The following ABLIM3 variants were observed in gnomAD, a reference collection of about 807,000 sequenced individuals.
ABLIM3 encodes the protein actin binding LIM protein family member 3.
In ABLIM3, 61 loss-of-function variants were observed where a neutral mutation model predicts 109.5. That is an observed-to-expected ratio of 0.56 (90% CI 0.45 to 0.69). ABLIM3 has a LOEUF of 0.69. ABLIM3 is among the 30% of genes least tolerant of loss of function. The pLI, the probability that ABLIM3 is intolerant of heterozygous loss-of-function variation, is 0.00. For missense variants in ABLIM3, 796 were observed against 889.5 expected (o/e 0.89, Z 1.34); for synonymous variants, 300 against 324.8 (o/e 0.92, Z 0.82).
At chr5:149,215,330 G>T (rs946051902) in intron 7 of ABLIM3, among the ~76,000 whole-genome samples, 3 of 152,098 alleles carry the variant, frequency 2.0e-5, no homozygotes, top group African/African-American at 7.2e-5. Flanking sequence ...GAACATATTC[G>T]CTTTGATGAT....
At chr5:149,240,887 A>T (rs2127559863) in intron 14 of ABLIM3, 113 bp downstream of exon 14, 1 of 941,758 alleles carries the variant, frequency 1.1e-6, no homozygotes, top group East Asian at 2.6e-5. Flanking sequence ...TTCCTGAGGG[A>T]CCTCCCTAAC....
At chr5:149,193,415 TA>T (rs1170856513) in intron 3 of ABLIM3, among the ~76,000 whole-genome samples, 1 of 151,978 alleles carries the variant, frequency 6.6e-6, no homozygotes, top group Non-Finnish European at 1.5e-5. Context: ...TTGTATAAGA[TA>T]AAAATTATAA....
chr5:149,233,623 C>G (rs935625834), intron 10 of ABLIM3, among the ~76,000 whole-genome samples: 1 of 152,178 alleles, frequency 6.6e-6, no homozygotes. Flanking sequence ...TCATTTCCCA[C>G]TACTTAACTG....
intron 6 of ABLIM3, among the ~76,000 whole-genome samples, chr5:149,208,654 G>A (rs1759253807): frequency 6.6e-6 from 1 of 152,106 alleles, no homozygotes; most frequent in African/African-American, 2.4e-5. Flanking sequence ...CCAATCACTG[G>A]CCCAGAGGAT....
intron 2 of ABLIM3, among the ~76,000 whole-genome samples, chr5:149,142,425 A>C (rs779538248): frequency 6.6e-6 from 1 of 152,132 alleles, no homozygotes; most frequent in African/African-American, 2.4e-5. Flanking sequence ...GGGGGCTCTG[A>C]GGAGAACTCC....
chr5:149,208,377 TCTCTCTCTC>T (rs1759211730), intron 6 of ABLIM3, among the ~76,000 whole-genome samples: 1 of 135,406 alleles, frequency 7.4e-6, no homozygotes, highest in Non-Finnish European at 1.7e-5. Flanking sequence ...TCTCTCTCTC[TCTCTCTCTC>T]AATTTCTCTT....
intron 3 of ABLIM3, among the ~76,000 whole-genome samples, chr5:149,186,588 T>G (rs1051718780): frequency 6.6e-6 from 1 of 152,290 alleles, no homozygotes; most frequent in East Asian, 1.9e-4. Context: ...GGTCTCCCAC[T>G]TGGCAAATGG....
chr5:149,198,855 C>T lies in ABLIM3; in HGVS notation c.335+453C>T, dbSNP rs1161693796. ...TGTTGGAGTGACCCTGGCAAGTGAC[C>T]CCCACCTCTGTAAGCCTCAGTTTCT... is the stretch of plus-strand genomic sequence containing the variant. On this transcript the variant is annotated intron_variant, in intron 4 of 23. Coordinates refer to ENST00000309868, the MANE Select transcript of ABLIM3 (RefSeq NM_014945.5). This position sits in a 1 kb window ranked among gnomAD's most constrained non-coding sequence, Gnocchi z 4.2. Among the ~76,000 whole-genome samples the T allele has an allele frequency of 6.6e-6, 1 of 152,162 alleles. No homozygotes were observed. The highest frequency in any genetic ancestry group is 1.9e-4 in the East Asian group (1 of 5,196).
intron 1 of ABLIM3, 54 bp from the exon 2 acceptor site, chr5:149,141,955 G>T: frequency 8.2e-7 from 1 of 1,218,998 alleles, no homozygotes; most frequent in Admixed American, 1.7e-5. Context: ...AGCAGAGGGA[G>T]AGAGAGCACC....
chr5:149,242,361 GC>G, intron 14 of ABLIM3, 129 bp from the exon 15 acceptor site: 1 of 822,598 alleles, frequency 1.2e-6, no homozygotes. Context: ...AAAGATGGTG[GC>G]CCCTTGGAAA....
chr5:149,205,208 T>A (rs1484302565), intron 5 of ABLIM3, among the ~76,000 whole-genome samples: 1 of 152,210 alleles, frequency 6.6e-6, no homozygotes, highest in Admixed American at 6.5e-5. Context: ...GGGAGTCAAG[T>A]CTCAGCTCCA....
At chr5:149,246,796 C>G (rs187236940) in intron 17 of ABLIM3, among the ~76,000 whole-genome samples, 1 of 152,348 alleles carries the variant, frequency 6.6e-6, no homozygotes, top group Admixed American at 6.5e-5. Flanking sequence ...GCTTCATGCT[C>G]AGGCAAGCTA....
At chr5:149,169,837 T>TTCTCATTGTTTTACTA (rs1755205159) in intron 2 of ABLIM3, among the ~76,000 whole-genome samples, 3 of 152,192 alleles carry the variant, frequency 2.0e-5, no homozygotes, top group Non-Finnish European at 4.4e-5. Flanking sequence ...AGGAGGTGTA[T>TTCTCATTGTTTTACTA]CAGCATGAAG....
At chr5:149,155,448 G>C (rs1580998272) in intron 2 of ABLIM3, among the ~76,000 whole-genome samples, 1 of 152,208 alleles carries the variant, frequency 6.6e-6, no homozygotes, top group Non-Finnish European at 1.5e-5. Context: ...GCATGACTGT[G>C]ATGTGAGATA....
At chr5:149,173,593 C>T (rs1296154085) in intron 2 of ABLIM3, among the ~76,000 whole-genome samples, 1 of 152,176 alleles carries the variant, frequency 6.6e-6, no homozygotes, top group Non-Finnish European at 1.5e-5. Flanking sequence ...AGGGGTGGCA[C>T]TCCAGGCCCT....
intron 2 of ABLIM3, among the ~76,000 whole-genome samples, chr5:149,174,272 TAA>T (rs879724906): frequency 2.1e-5 from 3 of 142,430 alleles, no homozygotes; most frequent in Non-Finnish European, 4.6e-5. Flanking sequence ...TTCATAGCTT[TAA>T]AAAAAAAAAA....
At chr5:149,208,418 CTCTCTCTCTG>C (rs1433262032) in intron 6 of ABLIM3, among the ~76,000 whole-genome samples, 26 of 129,800 alleles carry the variant, frequency 2.0e-4, no homozygotes, top group Admixed American at 1.3e-3. Context: ...GTCTCTCTTT[CTCTCTCTCTG>C]TCTCTCTCTG....
At chr5:149,191,453 A>G (rs1330477784) in intron 3 of ABLIM3, among the ~76,000 whole-genome samples, 1 of 152,218 alleles carries the variant, frequency 6.6e-6, no homozygotes, top group Non-Finnish European at 1.5e-5. Context: ...CTCTTCTACG[A>G]AAGAAACAAA....
At chr5:149,233,085 A>G (rs1762015966) in intron 9 of ABLIM3, 144 bp from the exon 10 acceptor site, 1 of 723,946 alleles carries the variant, frequency 1.4e-6, no homozygotes, top group African/African-American at 1.8e-5. Context: ...GACTTGAAAG[A>G]CAGAGAATAA....
Sources: allele counts gnomAD v4.1 joint callset (sites outside exome capture counted in the v4.1 genomes callset), GRCh38; gene constraint gnomAD v4.1.1; non-coding constraint Gnocchi (gnomAD v3.1); transcripts MANE v1.5; gene names NCBI Gene and HGNC (gene_info 2026-07-23, HGNC 2026-07-21).